NCKAP1: variants seen among roughly 807,000 people sequenced by gnomAD.
NCKAP1 encodes nck-associated protein 1.
Under a neutral mutation model 151.2 loss-of-function variants are expected in NCKAP1, and 21 were observed. That is an observed-to-expected ratio of 0.14 (90% CI 0.10 to 0.20). The LOEUF is 0.20. Ranked by LOEUF, NCKAP1 falls within the 10% of genes least tolerant of loss-of-function variation. NCKAP1 has a pLI of 1.00. For missense variants in NCKAP1, 933 were observed against 1,352.1 expected (o/e 0.69, Z 4.86); for synonymous variants, 484 against 451.8 (o/e 1.07, Z -0.90).
intron 1 of NCKAP1, among the ~76,000 whole-genome samples, chr2:183,030,233 C>T (rs1055977237): frequency 3.3e-5 from 5 of 152,118 alleles, no homozygotes; most frequent in African/African-American, 1.2e-4. Flanking sequence ...CTATATTGCC[C>T]AGGCTGGACT....
At chr2:182,931,115 A>G (rs1696754194) in intron 26 of NCKAP1, among the ~76,000 whole-genome samples, 1 of 152,150 alleles carries the variant, frequency 6.6e-6, no homozygotes, top group Admixed American at 6.5e-5. Context: ...GAATAAATGA[A>G]CAAAGTGAAT....
Position 182,926,802 on chromosome 2 carries a change from A to C in NCKAP1, c.3270+14T>G, listed in dbSNP as rs1696657514. 1.3e-5 allele frequency: 19 copies of C among 1,518,658 alleles called. No homozygotes were observed. The East Asian group carries it at 3.6e-4, about 29-fold the overall frequency. The allele number at this position is 1,518,658 out of a possible 1,614,324, so 94.1% of individuals were successfully genotyped here. A position where few individuals can be genotyped will look rare whatever the true frequency, so the allele number is the denominator to read the frequency against. On this transcript the variant is annotated intron_variant, in intron 30 of 30. Coordinates refer to ENST00000361354, the MANE Select transcript of NCKAP1 (RefSeq NM_013436.5). Reference sequence around the variant, plus strand: ...AACTTTTTTATTGTTAGTAAAAATTAAAATGAGACTTACCATATCTAGCAG... The same window carrying C: ...AACTTTTTTATTGTTAGTAAAAATTCAAATGAGACTTACCATATCTAGCAG...
chr2:182,929,480 T>C (rs1696715611), intron 27 of NCKAP1, among the ~76,000 whole-genome samples: 1 of 151,890 alleles, frequency 6.6e-6, no homozygotes, highest in South Asian at 2.1e-4. Flanking sequence ...CAGAAGAAAC[T>C]AGTCATGAAT....
At chr2:182,950,028 C>T (rs377750270) in intron 23 of NCKAP1, among the ~76,000 whole-genome samples, 38 of 152,186 alleles carry the variant, frequency 2.5e-4, no homozygotes, top group African/African-American at 9.2e-4. Flanking sequence ...AAAGCTTGGT[C>T]AGGAAGGACA....
rs1486721457 is a variant in NCKAP1, at chr2:182,910,432, T to C, written c.*15270A>G. Reference sequence around the variant, plus strand: ...ATTATAAATTGGGCATGGATGTTAATGTATACTCATATGTGCCCACAACAG... The same window carrying C: ...ATTATAAATTGGGCATGGATGTTAACGTATACTCATATGTGCCCACAACAG... On this transcript the variant is annotated 3_prime_UTR_variant, in exon 31 of 31. Coordinates refer to ENST00000361354, the MANE Select transcript of NCKAP1 (RefSeq NM_013436.5). The C allele has an allele frequency of 5.9e-5, 9 of 152,238 alleles. No homozygotes were observed. The highest frequency in any genetic ancestry group is 2.0e-4 in the Admixed American group (3 of 15,280). 9.4% of individuals were successfully genotyped at this position (152,238 alleles called of 1,614,324 possible).
chr2:183,035,107 C>CA (rs796520051), intron 1 of NCKAP1, among the ~76,000 whole-genome samples: 17 of 149,550 alleles, frequency 1.1e-4, no homozygotes, highest in East Asian at 5.8e-4. Flanking sequence ...TATTTAAAAA[C>CA]AAAAAAAAAG....
At chr2:182,988,737 A>G (rs570335465) in intron 9 of NCKAP1, among the ~76,000 whole-genome samples, 1 of 152,322 alleles carries the variant, frequency 6.6e-6, no homozygotes, top group South Asian at 2.1e-4. Flanking sequence ...GTACTTTTGC[A>G]TCTAAAATCA....
In NCKAP1 at chr2:182,920,912, A is replaced by C. The variant is rs1696541454; in HGVS notation, c.*4790T>G. On this transcript the variant is annotated 3_prime_UTR_variant, in exon 31 of 31. Transcript: ENST00000361354. The stretch of plus-strand genomic sequence containing the variant: ...CATAAAAAAAAAATCAGAAATAATG[A>C]AAGTAAACAAGGGCAACATTATCTT... 6.6e-6 allele frequency: 1 copy of C among 152,124 alleles called. No individual in the cohort carries two copies. The highest frequency in any genetic ancestry group is 1.5e-5 in the Non-Finnish European group (1 of 68,036). 9.4% of individuals were successfully genotyped at this position (152,124 alleles called of 1,614,324 possible). A position where few individuals can be genotyped will look rare whatever the true frequency, so the allele number is the denominator to read the frequency against.
Position 182,958,564 on chromosome 2 carries a change from A to G in NCKAP1, c.1882-968T>C, listed in dbSNP as rs1013244293. On this transcript the variant is annotated intron_variant, in intron 18 of 30. Coordinates refer to ENST00000361354, the MANE Select transcript of NCKAP1 (RefSeq NM_013436.5). ...AAGGCATGAAAAAGGGATATGAAAT[A>G]GGCAAGTGTAATAAAAAAATTTTAA... Among the ~76,000 whole-genome samples, 3 of 152,348 alleles carry G rather than the reference A, an allele frequency of 2.0e-5. No homozygotes were observed. In the East Asian group the frequency reaches 5.8e-4, roughly 29 times the overall value.
chr2:183,015,568 T>G (rs1698668287), intron 2 of NCKAP1, among the ~76,000 whole-genome samples: 1 of 151,952 alleles, frequency 6.6e-6, no homozygotes, highest in Non-Finnish European at 1.5e-5. Context: ...AACTATAATT[T>G]CAGAAAGTCA....
chr2:183,029,600 T>C (rs1451587681), intron 1 of NCKAP1, among the ~76,000 whole-genome samples: 2 of 151,930 alleles, frequency 1.3e-5, no homozygotes, highest in African/African-American at 4.8e-5. Context: ...GGCAGGAGAA[T>C]TGCTGGAGCC....
At chr2:182,936,472 A>G (rs563504280) in intron 24 of NCKAP1, among the ~76,000 whole-genome samples, 37 of 152,340 alleles carry the variant, frequency 2.4e-4, no homozygotes, top group African/African-American at 8.7e-4. Context: ...ATATAATTCC[A>G]TTTATGTAAA....
chr2:182,927,029 A>C, intron 29 of NCKAP1, 124 bp from the exon 30 acceptor site: 2 of 629,134 alleles, frequency 3.2e-6, no homozygotes. Flanking sequence ...AATAATGAGC[A>C]ATTAAATAAG....
rs1257975802 is a variant in NCKAP1, at chr2:182,911,259, G to C, written c.*14443C>G. 1 of 152,446 alleles carries C rather than the reference G, an allele frequency of 6.6e-6. No homozygotes were observed. Among genetic ancestry groups the C allele is most frequent in the African/African-American group, 2.4e-5 (1 of 41,418 alleles). The allele number at this position is 152,446 out of a possible 1,614,324, so 9.4% of individuals were successfully genotyped here. A position where few individuals can be genotyped will look rare whatever the true frequency, so the allele number is the denominator to read the frequency against. On this transcript the variant is annotated 3_prime_UTR_variant, in exon 31 of 31. Coordinates refer to ENST00000361354, the MANE Select transcript of NCKAP1 (RefSeq NM_013436.5). ...CCATGGAGTGGTTCTGGCCAGTCTAGGGAAGATGCAGTGAGGGTTTTTGTG... is the reference window on the plus strand; with the variant it reads ...CCATGGAGTGGTTCTGGCCAGTCTACGGAAGATGCAGTGAGGGTTTTTGTG...
At position 182,934,813 on chromosome 2, in the gene NCKAP1, G is replaced by A; in HGVS notation, c.2798C>T (p.Pro933Leu). ...ALRDVLSYHI[P>L]FLVSSIEDFK... Reference sequence around the variant, plus strand: ...ATCTTCAATTGAACTTACAAGAAAAGGAATGTGGTAGGATAAGACCTAGGC... The same window carrying A: ...ATCTTCAATTGAACTTACAAGAAAAAGAATGTGGTAGGATAAGACCTAGGC... The change falls in exon 26 of 31, where the codon CCT (proline) becomes CTT (leucine). Residue 933 changes from proline to leucine, a missense_variant. Pro to Leu is a moderately conservative substitution (Grantham distance 98). This residue lies in a region of NCKAP1 where 326 missense variants were observed against 557.1 expected (regional missense o/e 0.59). Coordinates refer to ENST00000361354, the MANE Select transcript of NCKAP1 (RefSeq NM_013436.5). The A allele has an allele frequency of 1.3e-6, 2 of 1,487,568 alleles. No individual in the cohort carries two copies. The highest frequency in any genetic ancestry group is 9.3e-7 in the Non-Finnish European group (1 of 1,071,122). 92.1% of individuals were successfully genotyped at this position (1,487,568 alleles called of 1,614,324 possible).
intron 1 of NCKAP1, among the ~76,000 whole-genome samples, chr2:183,037,048 T>C (rs1353224024): frequency 6.6e-6 from 1 of 152,206 alleles, no homozygotes; most frequent in Non-Finnish European, 1.5e-5. Flanking sequence ...AGAGATTTTG[T>C]TGTTTTGTCC....
chr2:183,027,576 T>A (rs924051115), intron 1 of NCKAP1, among the ~76,000 whole-genome samples: 1 of 152,144 alleles, frequency 6.6e-6, no homozygotes, highest in Non-Finnish European at 1.5e-5. Context: ...GAAGGCTGAT[T>A]GGGCATGGTG....
intron 18 of NCKAP1, among the ~76,000 whole-genome samples, chr2:182,961,039 C>CT: frequency 6.6e-6 from 1 of 152,306 alleles, no homozygotes; most frequent in East Asian, 1.9e-4. Flanking sequence ...GAGATACCAT[C>CT]TTACACCAGT....
chr2:182,964,645 C>T, intron 17 of NCKAP1, 31 bp downstream of exon 17: 3 of 1,513,658 alleles, frequency 2.0e-6, no homozygotes, highest in South Asian at 2.7e-5. Context: ...CTTTGCATAC[C>T]ATATAACTCA....
Sources: gnomAD v4.1 joint callset for allele counts (sites outside exome capture counted in the v4.1 genomes callset) on GRCh38, gnomAD v4.1.1 for gene constraint, gnomAD v4.1.1 regional missense constraint, MANE v1.5 for transcripts, NCBI Gene and HGNC (gene_info 2026-07-23, HGNC 2026-07-21) for gene names.